Variants in GALNTL6 observed in about 807,000 individuals in gnomAD.
GALNTL6 encodes the protein polypeptide N-acetylgalactosaminyltransferase-like 6.
Under a neutral mutation model 73.7 loss-of-function variants are expected in GALNTL6, and 46 were observed. That is an observed-to-expected ratio of 0.62 (90% CI 0.49 to 0.80). GALNTL6 has a LOEUF of 0.80. GALNTL6 is among the 30% of genes least tolerant of loss of function. The pLI, the probability that GALNTL6 is intolerant of heterozygous loss-of-function variation, is 0.00. For missense variants in GALNTL6, 604 were observed against 755.0 expected, an observed-to-expected ratio of 0.80 and a Z score of 2.34; for synonymous variants, 259 against 263.7, an observed-to-expected ratio of 0.98 and a Z score of 0.17.
chr4:172,690,782 T>A (rs1733234040), intron 5 of GALNTL6, among the ~76,000 whole-genome samples: 1 of 152,202 alleles, frequency 6.6e-6, no homozygotes, highest in African/African-American at 2.4e-5. Flanking sequence ...ACCATAGCAT[T>A]CCCCAAACCT....
At chr4:172,117,997 T>G (rs1733032413) in intron 2 of GALNTL6, among the ~76,000 whole-genome samples, 1 of 152,140 alleles carries the variant, frequency 6.6e-6, no homozygotes, top group African/African-American at 2.4e-5. Flanking sequence ...TTATGGGTTA[T>G]CTGGGTGTAT....
At chr4:172,773,073 G>A (rs1738868462) in intron 5 of GALNTL6, among the ~76,000 whole-genome samples, 1 of 152,186 alleles carries the variant, frequency 6.6e-6, no homozygotes, top group South Asian at 2.1e-4. Flanking sequence ...AAACAAGTTG[G>A]TCTATATGGA....
At chr4:172,989,660 C>T (rs1319234004) in intron 10 of GALNTL6, among the ~76,000 whole-genome samples, 1 of 152,168 alleles carries the variant, frequency 6.6e-6, no homozygotes, top group East Asian at 1.9e-4. Context: ...TCCCCCTTCT[C>T]TCTCTGTTCT....
intron 2 of GALNTL6, among the ~76,000 whole-genome samples, chr4:172,069,551 A>ATGTGTGT (rs1390914535): frequency 1.7e-5 from 1 of 57,604 alleles, no homozygotes; most frequent in Non-Finnish European, 3.7e-5. Context: ...TATAACACAT[A>ATGTGTGT]TATGTTATAT....
intron 2 of GALNTL6, among the ~76,000 whole-genome samples, chr4:171,999,042 A>G (rs947960181): frequency 3.9e-5 from 6 of 152,198 alleles, no homozygotes; most frequent in African/African-American, 1.4e-4. Context: ...TTCCTCCCTG[A>G]GTCCCTCAGG....
At chr4:172,469,403 G>A (rs1285990436) in intron 5 of GALNTL6, among the ~76,000 whole-genome samples, 2 of 151,668 alleles carry the variant, frequency 1.3e-5, no homozygotes, top group Non-Finnish European at 2.9e-5. Context: ...GTCAGGAGGT[G>A]TAGACCAGCC....
At chr4:172,406,486 T>C (rs1744242552) in intron 5 of GALNTL6, among the ~76,000 whole-genome samples, 1 of 152,018 alleles carries the variant, frequency 6.6e-6, no homozygotes, top group Non-Finnish European at 1.5e-5. Context: ...CCTTTTATAC[T>C]GAGAACTAAT....
chr4:172,984,168 T>G (rs562709319), intron 10 of GALNTL6, among the ~76,000 whole-genome samples: 1 of 152,352 alleles, frequency 6.6e-6, no homozygotes, highest in African/African-American at 2.4e-5. Flanking sequence ...GCGTATGTAT[T>G]CGTCCGTTCT....
At chr4:171,852,698 G>T (rs1162859185) in intron 2 of GALNTL6, among the ~76,000 whole-genome samples, 4 of 152,086 alleles carry the variant, frequency 2.6e-5, no homozygotes, top group African/African-American at 9.7e-5. Context: ...ACCTGTCAGT[G>T]ATATGTTAAA....
intron 2 of GALNTL6, among the ~76,000 whole-genome samples, chr4:172,107,255 T>C (rs1732700401): frequency 6.6e-6 from 1 of 152,240 alleles, no homozygotes; most frequent in African/African-American, 2.4e-5. Context: ...TGTTTTGACT[T>C]CTTTACTAGA....
intron 5 of GALNTL6, among the ~76,000 whole-genome samples, chr4:172,571,065 G>A (rs796402613): frequency 2.0e-5 from 3 of 152,154 alleles, no homozygotes; most frequent in African/African-American, 7.2e-5. Context: ...TTTGCCAACT[G>A]CTTACCCCCC....
intron 7 of GALNTL6, among the ~76,000 whole-genome samples, chr4:172,862,213 G>A (rs1283855530): frequency 1.3e-5 from 2 of 152,204 alleles, no homozygotes; most frequent in Non-Finnish European, 2.9e-5. Context: ...AGTCCAGGTT[G>A]AGGTGGTCTA....
chr4:171,870,305 T>C (rs1736102392), intron 2 of GALNTL6, among the ~76,000 whole-genome samples: 1 of 152,168 alleles, frequency 6.6e-6, no homozygotes, highest in Non-Finnish European at 1.5e-5. Flanking sequence ...TACATCCTTC[T>C]TGAATTCCTT....
At chr4:171,838,282 C>T (rs1335414594) in intron 2 of GALNTL6, among the ~76,000 whole-genome samples, 1 of 151,954 alleles carries the variant, frequency 6.6e-6, no homozygotes, top group Admixed American at 6.6e-5. Context: ...CACCACCATG[C>T]CCATCTAAGT....
chr4:172,644,091 T>A (rs1366692304), intron 5 of GALNTL6, among the ~76,000 whole-genome samples: 1 of 151,928 alleles, frequency 6.6e-6, no homozygotes, highest in East Asian at 1.9e-4. Context: ...TTGGGGTATG[T>A]GTAATGGTAT....
chr4:173,019,028 G>A (rs1287714810), intron 11 of GALNTL6, among the ~76,000 whole-genome samples: 6 of 152,178 alleles, frequency 3.9e-5, no homozygotes, highest in Non-Finnish European at 7.4e-5. Context: ...GAGAGCAATG[G>A]TTGTGGGCAT....
chr4:172,676,958 C>A (rs893000370), intron 5 of GALNTL6, among the ~76,000 whole-genome samples: 8 of 152,040 alleles, frequency 5.3e-5, no homozygotes, highest in Admixed American at 5.2e-4. Flanking sequence ...CAGTAGTATT[C>A]TTCTTCTTCT....
chr4:172,459,250 C>CAAT (rs1449316586), intron 5 of GALNTL6, among the ~76,000 whole-genome samples: 1 of 152,138 alleles, frequency 6.6e-6, no homozygotes, highest in Admixed American at 6.6e-5. Flanking sequence ...AATCCACAGC[C>CAAT]AATATCATAC....
At chr4:172,341,712 G>A (rs182023282) in intron 4 of GALNTL6, among the ~76,000 whole-genome samples, 2 of 152,074 alleles carry the variant, frequency 1.3e-5, no homozygotes, top group Non-Finnish European at 2.9e-5. Flanking sequence ...TGCCATCCAT[G>A]TAAGATATTG....
Sources: gnomAD v4.1 joint callset for allele counts (sites outside exome capture counted in the v4.1 genomes callset) on GRCh38, gnomAD v4.1.1 for gene constraint, MANE v1.5 for transcripts, NCBI Gene and HGNC (gene_info 2026-07-23, HGNC 2026-07-21) for gene names.